The following WWOX variants were observed in gnomAD, a reference collection of about 807,000 sequenced individuals.
The protein encoded by WWOX is WW domain-containing oxidoreductase.
In WWOX, 69 loss-of-function variants were observed where a neutral mutation model predicts 46.2. The ratio of observed to expected loss-of-function variants is 1.49; its 90% CI spans 1.23 to 1.82. The LOEUF is 1.82. Ranked by LOEUF, WWOX falls within the 40% of genes most tolerant of loss-of-function variation. The pLI, the probability that WWOX is intolerant of heterozygous loss-of-function variation, is 0.00. For synonymous variants in WWOX, 359 were observed against 202.6 expected (o/e 1.77, Z -6.56); for missense variants, 919 against 542.6 (o/e 1.69, Z -6.89).
At chr16:78,673,371 C>A (rs1274121720) in intron 8 of WWOX, among the ~76,000 whole-genome samples, 1 of 152,200 alleles carries the variant, frequency 6.6e-6, no homozygotes, top group Admixed American at 6.5e-5. Flanking sequence ...GCCTCTCTAA[C>A]ACCACGTTTA....
chr16:78,510,919 A>T (rs186840550), intron 8 of WWOX, among the ~76,000 whole-genome samples: 5 of 152,340 alleles, frequency 3.3e-5, no homozygotes, highest in Admixed American at 1.3e-4. Context: ...AGCCACAAAG[A>T]TGGTGCTTGT....
intron 8 of WWOX, among the ~76,000 whole-genome samples, chr16:79,007,325 A>T (rs765882547): frequency 5.9e-5 from 9 of 152,234 alleles, no homozygotes; most frequent in Non-Finnish European, 1.0e-4. Context: ...ACTCTAAAAC[A>T]TGAGGAAAGG....
At chr16:78,420,619 G>A (rs890883181) in intron 6 of WWOX, among the ~76,000 whole-genome samples, 5 of 150,420 alleles carry the variant, frequency 3.3e-5, no homozygotes, top group Non-Finnish European at 7.4e-5. Flanking sequence ...GAATAAGAGT[G>A]TAGGTAGATA....
chr16:78,454,447 A>T (rs1052383536), intron 8 of WWOX, among the ~76,000 whole-genome samples: 3 of 151,586 alleles, frequency 2.0e-5, no homozygotes, highest in African/African-American at 7.3e-5. Context: ...TTATCTGAGC[A>T]GTGTCCTGCT....
intron 8 of WWOX, among the ~76,000 whole-genome samples, chr16:79,178,652 C>G (rs895140092): frequency 2.6e-5 from 4 of 152,126 alleles, no homozygotes; most frequent in Non-Finnish European, 4.4e-5. Context: ...TTTCATCTCT[C>G]CAATCTTCGA....
intron 8 of WWOX, among the ~76,000 whole-genome samples, chr16:78,755,323 C>T (rs1310229371): frequency 1.3e-5 from 2 of 151,868 alleles, no homozygotes; most frequent in East Asian, 3.9e-4. Flanking sequence ...ATGTCTTGTA[C>T]ATTTCGAGAA....
intron 5 of WWOX, among the ~76,000 whole-genome samples, chr16:78,328,310 T>C (rs1031849263): frequency 1.3e-5 from 2 of 152,192 alleles, no homozygotes; most frequent in African/African-American, 4.8e-5. Context: ...TGTCATGTGA[T>C]TTGATGTTTG....
At position 78,876,724 on chromosome 16, in the gene WWOX, G is replaced by C. The variant is rs2044241585; in HGVS notation, c.1057-334884G>C. 2.0e-5 allele frequency among the ~76,000 whole-genome samples: 3 copies of C among 152,192 alleles called. No homozygotes were observed. In the South Asian group the frequency reaches 6.2e-4, roughly 32 times the overall value. ...GGTACCCTCAGGTTATTTATAACTG[G>C]ATTTTATCTCAGAAAATTAACTAAA... On this transcript the variant is annotated intron_variant, in intron 8 of 8. Coordinates refer to ENST00000566780, the MANE Select transcript of WWOX (RefSeq NM_016373.4).
chr16:78,574,625 A>G (rs1047891833), intron 8 of WWOX, among the ~76,000 whole-genome samples: 2 of 152,064 alleles, frequency 1.3e-5, no homozygotes, highest in African/African-American at 4.8e-5. Context: ...ATTTCACTGT[A>G]TATGTGAACC....
chr16:78,394,822 G>A (rs942358263), intron 6 of WWOX, among the ~76,000 whole-genome samples: 1 of 152,334 alleles, frequency 6.6e-6, no homozygotes, highest in African/African-American at 2.4e-5. Context: ...CTACCCCTGG[G>A]CAACAACCTG....
intron 5 of WWOX, chr16:78,270,287 A>C (rs1397254609): frequency 6.6e-6 from 1 of 152,214 alleles, no homozygotes; most frequent in African/African-American, 2.4e-5. Context: ...GTTTCAGGCC[A>C]TCTTTCCAAG....
intron 5 of WWOX, 71 bp downstream of exon 5, chr16:78,164,360 C>A: frequency 7.4e-7 from 1 of 1,342,934 alleles, no homozygotes; most frequent in Non-Finnish European, 1.1e-6. Context: ...ATGGAGATTT[C>A]AGTGGAGTGT....
At chr16:79,144,302 G>A (rs1003821435) in intron 8 of WWOX, among the ~76,000 whole-genome samples, 3 of 152,220 alleles carry the variant, frequency 2.0e-5, no homozygotes, top group African/African-American at 4.8e-5. Context: ...CAAGACTTCA[G>A]TCCCTTCAAC....
chr16:79,148,053 T>G (rs916308014), intron 8 of WWOX, among the ~76,000 whole-genome samples: 1 of 152,212 alleles, frequency 6.6e-6, no homozygotes, highest in Admixed American at 6.5e-5. Flanking sequence ...CATGGACATT[T>G]GCAAAATAAA....
intron 8 of WWOX, among the ~76,000 whole-genome samples, chr16:79,106,440 G>T (rs1047384566): frequency 2.0e-5 from 3 of 152,068 alleles, no homozygotes; most frequent in African/African-American, 7.2e-5. Context: ...AAGATTGAGG[G>T]ATTCTGGGAT....
intron 4 of WWOX, among the ~76,000 whole-genome samples, chr16:78,150,347 C>T (rs2034359577): frequency 6.6e-6 from 1 of 152,156 alleles, no homozygotes; most frequent in South Asian, 2.1e-4. Flanking sequence ...AATCTGGAAG[C>T]TCTCCAAACC....
chr16:78,625,367 C>T (rs890645092), intron 8 of WWOX, among the ~76,000 whole-genome samples: 1 of 152,140 alleles, frequency 6.6e-6, no homozygotes, highest in Non-Finnish European at 1.5e-5. Context: ...TAACTGGATC[C>T]CTGAAATTCA....
At chr16:78,128,564 A>G (rs1734079964) in intron 4 of WWOX, among the ~76,000 whole-genome samples, 1 of 152,162 alleles carries the variant, frequency 6.6e-6, no homozygotes, top group Admixed American at 6.5e-5. Flanking sequence ...GAATTTAGAT[A>G]CTGATTGGGG....
chr16:79,199,646 A>C (rs2051308488), intron 8 of WWOX, among the ~76,000 whole-genome samples: 1 of 152,174 alleles, frequency 6.6e-6, no homozygotes, highest in African/African-American at 2.4e-5. Context: ...AACATGTCAC[A>C]GAAGGTATCC....
Sources: gnomAD v4.1 joint callset for allele counts (sites outside exome capture counted in the v4.1 genomes callset) on GRCh38, gnomAD v4.1.1 for gene constraint, MANE v1.5 for transcripts, NCBI Gene and HGNC (gene_info 2026-07-23, HGNC 2026-07-21) for gene names.